The following CRYBG3 variants were observed in gnomAD, a reference collection of about 807,000 sequenced individuals.
CRYBG3 encodes crystallin beta-gamma domain containing 3, also known as very large A-kinase anchor protein.
In CRYBG3, 127 loss-of-function variants were observed where a neutral mutation model predicts 244.2. The ratio of observed to expected loss-of-function variants is 0.52; its 90% confidence interval spans 0.45 to 0.60. The LOEUF is 0.60. CRYBG3 is among the 20% of genes least tolerant of loss of function. The pLI, the probability that CRYBG3 is intolerant of heterozygous loss-of-function variation, is 0.00. For synonymous variants in CRYBG3, 1,132 were observed against 1,195.8 expected, an observed-to-expected ratio of 0.95 and a Z score of 1.10; for missense variants, 3,325 against 3,442.5, an observed-to-expected ratio of 0.97 and a Z score of 0.85.
At chr3:97,822,400 G>T (rs1311265264) in intron 1 of CRYBG3, 45 bp downstream of exon 1, 2 of 1,415,870 alleles carry the variant, frequency 1.4e-6, no homozygotes, top group Non-Finnish European at 9.2e-7. Context: ...GCACATATTC[G>T]CGGGATGAAG....
At chr3:97,824,962 A>G (rs755702821) in intron 1 of CRYBG3, among the ~76,000 whole-genome samples, 10 of 152,268 alleles carry the variant, frequency 6.6e-5, no homozygotes, top group East Asian at 1.9e-4. Context: ...CCTGGTAGGG[A>G]TGATTTTAAC....
chr3:97,942,830 G>T (rs945628941), intron 21 of CRYBG3: 1 of 214,058 alleles, frequency 4.7e-6, no homozygotes, highest in Non-Finnish European at 9.0e-6. Context: ...AATTAACCTT[G>T]TTTTTGAATT....
intron 16 of CRYBG3, 134 bp from the exon 17 acceptor site, chr3:97,915,476 T>C (rs1336954959): frequency 8.4e-6 from 7 of 831,146 alleles, no homozygotes; most frequent in Non-Finnish European, 1.2e-5. Context: ...TTTTTTGTTT[T>C]TTTAAAGCTG....
chr3:97,822,242 G>C lies in CRYBG3; in HGVS notation c.36G>C (p.Trp12Cys). 1 of 1,530,924 alleles carries C rather than the reference G, an allele frequency of 6.5e-7. No homozygotes were observed. Among genetic ancestry groups the C allele is most frequent in the South Asian group, 1.2e-5 (1 of 83,442 alleles). 94.8% of individuals were successfully genotyped at this position (1,530,924 alleles called of 1,614,324 possible). Reference sequence around the variant, plus strand: ...GCCGCAGAAGGGGCAGCGCCCCCTGGCACAGCTTCTCCCGGTTCTTCGCTC... The same window carrying C: ...GCCGCAGAAGGGGCAGCGCCCCCTGCCACAGCTTCTCCCGGTTCTTCGCTC... ...SSGRRRGSAP[W>C]HSFSRFFAPR... The change falls in exon 1 of 22, where the codon TGG (tryptophan) becomes TGC (cysteine). Residue 12 changes from tryptophan to cysteine, a missense_variant. Trp to Cys is a radical substitution (Grantham distance 215). Transcript: ENST00000389622.
At chr3:97,860,366 G>A (rs2039128419) in intron 2 of CRYBG3, among the ~76,000 whole-genome samples, 1 of 152,176 alleles carries the variant, frequency 6.6e-6, no homozygotes, top group South Asian at 2.1e-4. Context: ...GGTGTGTGTT[G>A]TGTGTGTATT....
Position 97,833,349 on chromosome 3 carries a change from G to A in CRYBG3, c.150-9846G>A, listed in dbSNP as rs528706765. 5.9e-5 allele frequency among the ~76,000 whole-genome samples: 9 copies of A among 152,306 alleles called. No individual in the cohort carries two copies. In the South Asian group the frequency reaches 1.7e-3, roughly 28 times the overall value. The stretch of plus-strand genomic sequence containing the variant: ...CAATGATAGACTGGATAAAGAAAAT[G>A]TGGCACATATACACCGTGGAATACT... On this transcript the variant is annotated intron_variant, in intron 1 of 21. Transcript: ENST00000389622.
chr3:97,911,976 T>G (rs1318052563), intron 15 of CRYBG3, among the ~76,000 whole-genome samples, 191 bp from the exon 16 acceptor site: 5 of 152,184 alleles, frequency 3.3e-5, no homozygotes. Flanking sequence ...ATTCCATTCC[T>G]GAATACATGT....
chr3:97,852,747 C>T (rs2039004412), intron 2 of CRYBG3, among the ~76,000 whole-genome samples: 1 of 152,086 alleles, frequency 6.6e-6, no homozygotes, highest in Non-Finnish European at 1.5e-5. Context: ...TTGGAGCAAC[C>T]TCCATACTGT....
At chr3:97,841,251 T>TAC (rs748360425) in intron 1 of CRYBG3, among the ~76,000 whole-genome samples, 1 of 142,478 alleles carries the variant, frequency 7.0e-6, no homozygotes, top group African/African-American at 2.7e-5. Flanking sequence ...TACATATATG[T>TAC]ATATATGTGT....
rs1357091760 is a variant in CRYBG3, at chr3:97,874,874, A to T, written c.3680A>T (p.His1227Leu). The T allele has an allele frequency of 1.3e-6, 2 of 1,535,420 alleles. No individual in the cohort carries two copies. Among genetic ancestry groups the T allele is most frequent in the Admixed American group, 3.9e-5 (2 of 50,882 alleles). Residue 1227 changes from histidine to leucine, a missense_variant, in exon 4 of 22, where the codon CAT becomes CTT. By Grantham distance (99) the His-to-Leu change is moderately conservative. Around this residue, in one of 4 missense-constraint regions of CRYBG3, gnomAD observed 1,526 missense variants for 1,443.2 expected, o/e 1.06. Coordinates refer to ENST00000389622, the MANE Select transcript of CRYBG3 (RefSeq NM_153605.4). ...CACACAGTGAGTACCTGCCAGGAGC[A>T]TATAGCCATAGAAGGTATAATGAAT... is the stretch of plus-strand genomic sequence containing the variant. Reference protein sequence around the residue: ...FKHTVSTCQEHIAIEGIMNLG... With the variant: ...FKHTVSTCQELIAIEGIMNLG...
intron 15 of CRYBG3, among the ~76,000 whole-genome samples, chr3:97,907,220 GTC>G (rs1398264547): frequency 6.6e-6 from 1 of 152,094 alleles, no homozygotes; most frequent in Non-Finnish European, 1.5e-5. Context: ...TTTTTATTGT[GTC>G]TCTGCCTGGC....
rs1247302364 is a variant in CRYBG3 at position 97,872,559 on chromosome 3, G to T, written c.1365G>T (p.Leu455Phe). The T allele has an allele frequency of 2.6e-6, 4 of 1,535,800 alleles. No homozygotes were observed. The highest frequency in any genetic ancestry group is 2.4e-5 in the East Asian group (1 of 40,924). The change falls in exon 4 of 22, where the codon TTG (leucine) becomes TTT (phenylalanine). Residue 455 changes from leucine to phenylalanine, a missense_variant. Leu to Phe is a conservative substitution (Grantham distance 22, BLOSUM62 0). This residue lies in a region of CRYBG3 where 1,526 missense variants were observed against 1,443.2 expected (regional missense o/e 1.06). Coordinates refer to ENST00000389622, the MANE Select transcript of CRYBG3 (RefSeq NM_153605.4). ...CTACTGAGCAGGAAAGTACAAATTTGCCAAGTCCAAATAAATCAATTAGGC... is the reference window on the plus strand; with the variant it reads ...CTACTGAGCAGGAAAGTACAAATTTTCCAAGTCCAAATAAATCAATTAGGC... Reference protein sequence around the residue: ...SDTTEQESTNLPSPNKSIRHE... With the variant: ...SDTTEQESTNFPSPNKSIRHE...
intron 16 of CRYBG3, 44 bp downstream of exon 16, chr3:97,912,320 A>G: frequency 1.0e-6 from 1 of 956,354 alleles, no homozygotes; most frequent in South Asian, 1.7e-5. Flanking sequence ...TTTAATAACT[A>G]ATACTTTTAA....
intron 3 of CRYBG3, among the ~76,000 whole-genome samples, chr3:97,864,928 G>T (rs2039206285): frequency 6.6e-6 from 1 of 152,024 alleles, no homozygotes; most frequent in African/African-American, 2.4e-5. Context: ...TCCTGTGTCA[G>T]GACAGGCAAT....
intron 7 of CRYBG3, among the ~76,000 whole-genome samples, chr3:97,883,937 C>T (rs1415072020): frequency 6.6e-6 from 1 of 152,038 alleles, no homozygotes; most frequent in Non-Finnish European, 1.5e-5. Context: ...TTGGTGTAGT[C>T]AAGACTTTAA....
chr3:97,833,929 A>G (rs1409744692), intron 1 of CRYBG3, among the ~76,000 whole-genome samples: 1 of 152,084 alleles, frequency 6.6e-6, no homozygotes, highest in Non-Finnish European at 1.5e-5. Context: ...AGGTACAGGA[A>G]TCACTTGGGA....
intron 10 of CRYBG3, among the ~76,000 whole-genome samples, chr3:97,891,542 G>A (rs191268909): frequency 5.9e-5 from 9 of 152,092 alleles, no homozygotes; most frequent in South Asian, 2.1e-4. Context: ...CATAAGCTTC[G>A]TCACTGTCAA....
chr3:97,865,254 A>G (rs933514897), intron 3 of CRYBG3, among the ~76,000 whole-genome samples: 1 of 152,196 alleles, frequency 6.6e-6, no homozygotes, highest in Non-Finnish European at 1.5e-5. Context: ...TGTTGAGTCC[A>G]TTCAATATTT....
chr3:97,927,674 C>T (rs2040054240), intron 17 of CRYBG3, among the ~76,000 whole-genome samples: 1 of 151,978 alleles, frequency 6.6e-6, no homozygotes, highest in African/African-American at 2.4e-5. Context: ...CAACAAAGGT[C>T]TAATATCCAG....
Sources: gnomAD v4.1 joint callset for allele counts (sites outside exome capture counted in the v4.1 genomes callset) on GRCh38, gnomAD v4.1.1 for gene constraint, gnomAD v4.1.1 regional missense constraint, MANE v1.5 for transcripts, NCBI Gene and HGNC (gene_info 2026-07-23, HGNC 2026-07-21) for gene names.